DOK5: variants seen among roughly 807,000 people sequenced by gnomAD.
DOK5 encodes downstream of tyrosine kinase 5.
A neutral mutation model predicts 43.3 loss-of-function variants in DOK5; 27 were observed. The observed-to-expected ratio is 0.62, with a 90% CI of 0.46 to 0.86. The LOEUF is 0.86. Among genes scored for constraint, DOK5 ranks in the 40% least tolerant of loss-of-function variants. The pLI is 0.00. For missense variants in DOK5, 373 were observed against 392.9 expected (o/e 0.95, Z 0.43); for synonymous variants, 146 against 140.1 (o/e 1.04, Z -0.30).
chr20:54,642,183 C>A (rs1270779477), intron 6 of DOK5, among the ~76,000 whole-genome samples: 2 of 151,950 alleles, frequency 1.3e-5, no homozygotes, highest in African/African-American at 4.8e-5. Context: ...TGAAACTTTC[C>A]TTCTTTTGTA....
intron 5 of DOK5, among the ~76,000 whole-genome samples, chr20:54,593,800 G>T (rs1373121434): frequency 3.3e-5 from 5 of 152,182 alleles, no homozygotes; most frequent in Non-Finnish European, 5.9e-5. Context: ...ATATACCATG[G>T]AACACTATGC....
At chr20:54,543,405 TG>T (rs1401968011) in intron 1 of DOK5, among the ~76,000 whole-genome samples, 1 of 152,156 alleles carries the variant, frequency 6.6e-6, no homozygotes, top group Non-Finnish European at 1.5e-5. Context: ...AGAATAATTT[TG>T]CATTGTTTTC....
chr20:54,611,516 G>C (rs1904436171), intron 6 of DOK5, among the ~76,000 whole-genome samples: 2 of 152,104 alleles, frequency 1.3e-5, no homozygotes, highest in Admixed American at 1.3e-4. Flanking sequence ...AGCCGAGTTT[G>C]TGCCACTGCA....
chr20:54,591,526 T>A, intron 4 of DOK5, 90 bp from the exon 5 acceptor site: 1 of 1,015,250 alleles, frequency 9.8e-7, no homozygotes, highest in East Asian at 2.6e-5. Flanking sequence ...AATGTGAACT[T>A]GAATTGTTTT....
At chr20:54,618,972 G>A (rs1303003361) in intron 6 of DOK5, among the ~76,000 whole-genome samples, 3 of 143,544 alleles carry the variant, frequency 2.1e-5, no homozygotes, top group Non-Finnish European at 3.0e-5. Context: ...AGCTATGATA[G>A]TGCTACTGCC....
intron 1 of DOK5, among the ~76,000 whole-genome samples, chr20:54,543,327 G>T (rs1341984164): frequency 6.6e-6 from 1 of 151,862 alleles, no homozygotes; most frequent in African/African-American, 2.4e-5. Flanking sequence ...GTGGACAGTG[G>T]GGGGTGGGGT....
chr20:54,555,079 A>G (rs760350039), intron 2 of DOK5, 39 bp downstream of exon 2: 29 of 1,373,590 alleles, frequency 2.1e-5, no homozygotes, highest in Non-Finnish European at 2.9e-5. Flanking sequence ...TAATCTATTT[A>G]CAGGGAGGCA....
intron 6 of DOK5, among the ~76,000 whole-genome samples, chr20:54,618,711 T>A (rs1309777263): frequency 6.6e-6 from 1 of 152,058 alleles, no homozygotes; most frequent in Non-Finnish European, 1.5e-5. Flanking sequence ...ATGTATAATA[T>A]ATCTTTTTAA....
At chr20:54,510,878 C>T (rs889988833) in intron 1 of DOK5, among the ~76,000 whole-genome samples, 6 of 152,136 alleles carry the variant, frequency 3.9e-5, no homozygotes, top group African/African-American at 1.2e-4. Flanking sequence ...TGGGAATGAG[C>T]CAGAGGGCTC....
chr20:54,646,217 C>T (rs1282386053), intron 7 of DOK5, among the ~76,000 whole-genome samples: 5 of 146,878 alleles, frequency 3.4e-5, no homozygotes, highest in African/African-American at 1.3e-4. Context: ...TATTTTACTA[C>T]CTTAATACTG....
At chr20:54,558,945 A>T (rs1984808788) in intron 2 of DOK5, among the ~76,000 whole-genome samples, 1 of 152,216 alleles carries the variant, frequency 6.6e-6, no homozygotes, top group Admixed American at 6.5e-5. Flanking sequence ...TTGGAAAATA[A>T]ACATATGAAT....
intron 7 of DOK5, among the ~76,000 whole-genome samples, chr20:54,645,450 C>G (rs945169816): frequency 2.0e-5 from 3 of 151,652 alleles, no homozygotes; most frequent in Non-Finnish European, 2.9e-5. Context: ...GCTCTGAACC[C>G]TGGTCACAAC....
intron 1 of DOK5, among the ~76,000 whole-genome samples, chr20:54,553,199 AT>A (rs1984586913): frequency 6.6e-6 from 1 of 152,128 alleles, no homozygotes. Flanking sequence ...ATAGATTTCT[AT>A]TCTTTTTCTT....
intron 6 of DOK5, among the ~76,000 whole-genome samples, chr20:54,633,197 C>T (rs991741350): frequency 2.6e-5 from 4 of 152,162 alleles, no homozygotes; most frequent in East Asian, 1.9e-4. Flanking sequence ...TTCTGCTTGC[C>T]GTTGGATAGC....
At chr20:54,522,316 G>T (rs1212585887) in intron 1 of DOK5, among the ~76,000 whole-genome samples, 1 of 152,162 alleles carries the variant, frequency 6.6e-6, no homozygotes, top group Non-Finnish European at 1.5e-5. Context: ...ACCATGGGTC[G>T]CAGGTTAGAC....
In DOK5 at chr20:54,627,420, T is replaced by G. The variant is rs8114817; in HGVS notation, c.736-16038T>G. On this transcript the variant is annotated intron_variant, in intron 6 of 7. Coordinates refer to ENST00000262593, the MANE Select transcript of DOK5 (RefSeq NM_018431.5). The stretch of plus-strand genomic sequence containing the variant: ...GGAGTATCTTGCATTTTATTGGACA[T>G]ATTAGTAGATCCATTTCATAATGGC... Among the ~76,000 whole-genome samples the G allele has an allele frequency of 7.5e-3, 1,140 of 152,312 alleles. 5 individuals carry two copies. Among genetic ancestry groups the G allele is most frequent in the African/African-American group, 0.026 (1,078 of 41,562 alleles).
At chr20:54,640,842 T>C (rs1363527675) in intron 6 of DOK5, among the ~76,000 whole-genome samples, 4 of 152,240 alleles carry the variant, frequency 2.6e-5, no homozygotes, top group African/African-American at 9.6e-5. Flanking sequence ...ACCTCTAAAT[T>C]GAGTTCTTTT....
At chr20:54,623,724 C>G (rs1054080210) in intron 6 of DOK5, among the ~76,000 whole-genome samples, 1 of 152,036 alleles carries the variant, frequency 6.6e-6, no homozygotes, top group Admixed American at 6.6e-5. Flanking sequence ...GGACTACAGG[C>G]GCCCACCACC....
intron 1 of DOK5, among the ~76,000 whole-genome samples, chr20:54,531,193 G>C (rs1214290021): frequency 2.0e-5 from 3 of 152,170 alleles, no homozygotes; most frequent in Non-Finnish European, 4.4e-5. Context: ...TATTCTGAAC[G>C]TTTGTTAGTG....
Sources: gnomAD v4.1 joint callset for allele counts (sites outside exome capture counted in the v4.1 genomes callset) on GRCh38, gnomAD v4.1.1 for gene constraint, MANE v1.5 for transcripts, NCBI Gene and HGNC (gene_info 2026-07-23, HGNC 2026-07-21) for gene names.